SEPTIN7: variants seen among roughly 807,000 people sequenced by gnomAD.
SEPTIN7 encodes the protein septin 7.
A neutral mutation model predicts 63.3 loss-of-function variants in SEPTIN7; 10 were observed. That is an observed-to-expected ratio of 0.16 (90% confidence interval 0.10 to 0.27). The LOEUF (loss-of-function observed/expected upper bound fraction) is 0.27. Ranked by LOEUF, SEPTIN7 falls within the 10% of genes least tolerant of loss-of-function variation. The pLI is 1.00. For synonymous variants in SEPTIN7, 131 were observed against 165.3 expected (o/e 0.79, Z 1.59); for missense variants, 310 against 521.0 (o/e 0.59, Z 3.94).
At chr7:35,804,000 T>C (rs1788168336) in intron 1 of SEPTIN7, among the ~76,000 whole-genome samples, 2 of 151,994 alleles carry the variant, frequency 1.3e-5, no homozygotes, top group Admixed American at 6.6e-5. Context: ...GGGGAAGTAA[T>C]TTTTTTTAAG....
chr7:35,810,459 G>A (rs993368980), intron 1 of SEPTIN7, among the ~76,000 whole-genome samples: 1 of 151,970 alleles, frequency 6.6e-6, no homozygotes, highest in African/African-American at 2.4e-5. Context: ...GAGTAGCTGG[G>A]ACTACAGGCG....
At chr7:35,877,455 A>G (rs540942563) in intron 6 of SEPTIN7, among the ~76,000 whole-genome samples, 7 of 152,276 alleles carry the variant, frequency 4.6e-5, no homozygotes, top group East Asian at 1.9e-4. Flanking sequence ...CAGTTTTAAT[A>G]TATATGTTTC....
the SEPTIN7 span, among the ~76,000 whole-genome samples, chr7:35,914,663 A>C: frequency 2.7e-5 from 4 of 145,546 alleles, no homozygotes; most frequent in African/African-American, 1.1e-4. Flanking sequence ...CTCTCTCTAT[A>C]TATATATATA....
chr7:35,841,011 A>G (rs1784381188), intron 3 of SEPTIN7, among the ~76,000 whole-genome samples: 1 of 152,178 alleles, frequency 6.6e-6, no homozygotes, highest in Non-Finnish European at 1.5e-5. Context: ...CAGTGTCTTA[A>G]TCATGGAACA....
At position 35,875,782 on chromosome 7, in the gene SEPTIN7, CATACA is replaced by C. The variant is rs1786439758; in HGVS notation, c.512+2008_512+2012del. Among the ~76,000 whole-genome samples, 6 of 152,170 alleles carry C rather than the reference CATACA, an allele frequency of 3.9e-5. No homozygotes were observed. In the South Asian group the frequency reaches 1.2e-3, roughly 32 times the overall value. Reference sequence around the variant, plus strand: ...GGATTTTTTCTCTTATACATACATACATACATACATACAAAAAAAATTTGTCATTT... The same window carrying C: ...GGATTTTTTCTCTTATACATACATACTACATACAAAAAAAATTTGTCATTT... On this transcript the variant is annotated intron_variant, in intron 6 of 13. Coordinates refer to ENST00000350320, the MANE Select transcript of SEPTIN7 (RefSeq NM_001788.6).
chr7:35,874,596 TAA>T (rs985654741), intron 6 of SEPTIN7, among the ~76,000 whole-genome samples: 1 of 152,122 alleles, frequency 6.6e-6, no homozygotes, highest in Non-Finnish European at 1.5e-5. Flanking sequence ...TTAAGTTATC[TAA>T]CACTCACATT....
At chr7:35,830,512 A>G (rs1303464755) in intron 1 of SEPTIN7, among the ~76,000 whole-genome samples, 1 of 152,216 alleles carries the variant, frequency 6.6e-6, no homozygotes, top group Non-Finnish European at 1.5e-5. Context: ...AAGCTCCCCC[A>G]AGTGATTCTA....
At position 35,904,336 on chromosome 7, in the gene SEPTIN7, C is replaced by A; in HGVS notation, c.*43C>A. 1 of 1,472,812 alleles carries A rather than the reference C, an allele frequency of 6.8e-7. No homozygotes were observed. Among genetic ancestry groups the A allele is most frequent in the South Asian group, 1.3e-5 (1 of 76,284 alleles). The allele number at this position is 1,472,812 out of a possible 1,614,324, so 91.2% of individuals were successfully genotyped here. On this transcript the variant is annotated 3_prime_UTR_variant, in exon 14 of 14. Transcript: ENST00000350320. Reference sequence around the variant, plus strand: ...AGTTAACGTATTAGTTGCCAATATGCCAGCTTGGACATCAGTGTTTGTTGG... The same window carrying A: ...AGTTAACGTATTAGTTGCCAATATGACAGCTTGGACATCAGTGTTTGTTGG...
intron 3 of SEPTIN7, among the ~76,000 whole-genome samples, chr7:35,848,445 T>A (rs1423640227): frequency 1.3e-5 from 2 of 152,066 alleles, no homozygotes; most frequent in Non-Finnish European, 2.9e-5. Flanking sequence ...TTTTTTGGTT[T>A]TTTTTTAGTA....
At chr7:35,825,350 A>AT (rs2115829075) in intron 1 of SEPTIN7, among the ~76,000 whole-genome samples, 1 of 152,224 alleles carries the variant, frequency 6.6e-6, no homozygotes, top group East Asian at 1.9e-4. Flanking sequence ...AGTTGTATTG[A>AT]ACTGTTTGTA....
intron 4 of SEPTIN7, among the ~76,000 whole-genome samples, chr7:35,864,649 C>T (rs1241716328): frequency 1.4e-5 from 2 of 138,834 alleles, no homozygotes; most frequent in African/African-American, 5.6e-5. Flanking sequence ...TCACCTTTTT[C>T]CTATTTTAAA....
chr7:35,912,740 GT>G, the SEPTIN7 span, among the ~76,000 whole-genome samples: 2 of 152,208 alleles, frequency 1.3e-5, no homozygotes, highest in Non-Finnish European at 2.9e-5. Flanking sequence ...GCCCTTCTAA[GT>G]TGTAAGATCT....
At chr7:35,831,413 C>A (rs997300206) in intron 1 of SEPTIN7, 79 bp from the exon 2 acceptor site, 8 of 395,098 alleles carry the variant, frequency 2.0e-5, no homozygotes, top group Non-Finnish European at 3.4e-5. Context: ...TCTTGGAATT[C>A]TTTGTTTACT....
chr7:35,814,825 A>G (rs972316548), intron 1 of SEPTIN7, among the ~76,000 whole-genome samples: 1 of 152,026 alleles, frequency 6.6e-6, no homozygotes, highest in African/African-American at 2.4e-5. Flanking sequence ...AATACAAAGA[A>G]TTAGCCGGGC....
chr7:35,894,950 C>T (rs1398097015), intron 11 of SEPTIN7, among the ~76,000 whole-genome samples: 4 of 152,112 alleles, frequency 2.6e-5, no homozygotes, highest in Admixed American at 6.5e-5. Flanking sequence ...GGAATTTTAA[C>T]CTTATAAAGA....
intron 13 of SEPTIN7, among the ~76,000 whole-genome samples, chr7:35,903,957 T>C (rs1171175320): frequency 6.6e-6 from 1 of 152,172 alleles, no homozygotes; most frequent in East Asian, 1.9e-4. Flanking sequence ...GTTGATACTT[T>C]TTAGTTTGTG....
At chr7:35,876,373 A>G (rs767723726) in intron 6 of SEPTIN7, among the ~76,000 whole-genome samples, 2 of 152,240 alleles carry the variant, frequency 1.3e-5, no homozygotes, top group Non-Finnish European at 2.9e-5. Context: ...GCAGGCTTAT[A>G]TCTGACATAA....
At chr7:35,913,358 C>T in the SEPTIN7 span, among the ~76,000 whole-genome samples, 1 of 152,178 alleles carries the variant, frequency 6.6e-6, no homozygotes, top group Non-Finnish European at 1.5e-5. Context: ...CAGGCCGGCC[C>T]TCTTCCTGGG....
intron 1 of SEPTIN7, among the ~76,000 whole-genome samples, chr7:35,827,677 G>A (rs774102326): frequency 6.6e-6 from 1 of 152,066 alleles, no homozygotes; most frequent in African/African-American, 2.4e-5. Flanking sequence ...TTTTAGTAGA[G>A]ACAGGGTTTC....
Sources: gnomAD v4.1 joint callset for allele counts (sites outside exome capture counted in the v4.1 genomes callset) on GRCh38, gnomAD v4.1.1 for gene constraint, MANE v1.5 for transcripts, NCBI Gene and HGNC (gene_info 2026-07-23, HGNC 2026-07-21) for gene names.